The following IFIT2 variants were observed in gnomAD, a reference collection of about 807,000 sequenced individuals.
IFIT2 encodes the protein interferon induced protein with tetratricopeptide repeats 2, also known as interferon-induced protein with tetratricopeptide repeats 2.
Under a neutral mutation model 2.5 loss-of-function variants are expected in IFIT2, and 3 were observed. That is an observed-to-expected ratio of 1.21 (90% CI 0.55 to 3.14). IFIT2 has a LOEUF of 3.14. IFIT2 is among the 30% of genes most tolerant of loss of function. The pLI, the probability that IFIT2 is intolerant of heterozygous loss-of-function variation, is 0.03. For synonymous variants in IFIT2, 212 were observed against 200.7 expected, an observed-to-expected ratio of 1.06 and a Z score of -0.48; for missense variants, 493 against 558.9, an observed-to-expected ratio of 0.88 and a Z score of 1.19.
Position 89,307,551 on chromosome 10 carries a change from A to G in IFIT2, c.*176A>G. On this transcript the variant is annotated 3_prime_UTR_variant, in exon 2 of 2. Transcript: ENST00000371826. ...GAATTGCTGGGTCTTGAGAGAGCCC[A>G]AGGAGTTCTGGGAGAGGGACCAGAT... 1 of 561,946 alleles carries G rather than the reference A, an allele frequency of 1.8e-6. No homozygotes were observed. The highest frequency in any genetic ancestry group is 3.1e-6 in the Non-Finnish European group (1 of 323,526). 34.8% of individuals were successfully genotyped at this position (561,946 alleles called of 1,614,324 possible).
rs1356968598 is a variant in IFIT2 at position 89,306,718 on chromosome 10, C to T, written c.762C>T (p.Ala254=). Reference sequence around the variant, plus strand: ...TAACAGATGTTCTTCGCAGTGCAGCCAAGTTTTATCGAAGAAAAGATGAGC... The same window carrying T: ...TAACAGATGTTCTTCGCAGTGCAGCTAAGTTTTATCGAAGAAAAGATGAGC... ...PGVTDVLRSA[A]KFYRRKDEPD... Residue 254 remains alanine (A), a synonymous_variant, in exon 2 of 2, where the codon GCC becomes GCT. Coordinates refer to ENST00000371826, the MANE Select transcript of IFIT2 (RefSeq NM_001547.5). 1 of 1,614,004 alleles carries T rather than the reference C, an allele frequency of 6.2e-7. No homozygotes were observed. The highest frequency in any genetic ancestry group is 8.5e-7 in the Non-Finnish European group (1 of 1,179,962).
chr10:89,305,269 A>G (rs922923880), intron 1 of IFIT2, among the ~76,000 whole-genome samples: 3 of 152,132 alleles, frequency 2.0e-5, no homozygotes, highest in African/African-American at 4.8e-5. Context: ...AAATTCACAG[A>G]AAAAAATGAG....
chr10:89,305,980 C>A lies in IFIT2; in HGVS notation c.24C>A (p.Ser8=), dbSNP rs1413803916. MSENNKN[S]LESSLRQLKC... ...CCTACAGTGAGAACAATAAGAATTC[C>A]TTGGAGAGCAGCCTACGGCAACTAA... The change falls in exon 2 of 2, where the codon TCC becomes TCA. Residue 8 remains serine, a synonymous_variant. Coordinates refer to ENST00000371826, the MANE Select transcript of IFIT2 (RefSeq NM_001547.5). The A allele has an allele frequency of 1.9e-6, 3 of 1,612,124 alleles. No individual in the cohort carries two copies. The highest frequency in any genetic ancestry group is 1.7e-6 in the Non-Finnish European group (2 of 1,178,502).
intron 1 of IFIT2, among the ~76,000 whole-genome samples, chr10:89,304,522 G>C (rs1334528839): frequency 6.6e-6 from 1 of 152,024 alleles, no homozygotes; most frequent in East Asian, 1.9e-4. Context: ...TGACATTCCA[G>C]ATATCTATTG....
At chr10:89,305,215 A>G (rs979252179) in intron 1 of IFIT2, among the ~76,000 whole-genome samples, 2 of 152,122 alleles carry the variant, frequency 1.3e-5, no homozygotes, top group African/African-American at 4.8e-5. Flanking sequence ...AATGAGTAAA[A>G]ATTAAGAATG....
At chr10:89,302,251 G>T in intron 1 of IFIT2, 123 bp downstream of exon 1, 1 of 987,860 alleles carries the variant, frequency 1.0e-6, no homozygotes, top group Non-Finnish European at 1.6e-6. Flanking sequence ...GCCTTACTAT[G>T]CCTCTACCTC....
rs1235398539 is a variant in IFIT2 at position 89,308,620 on chromosome 10, G to A, written c.*1245G>A. ...CTGAATAGCCTAGACATCAAAGTTG[G>A]TGTGAACCAAAATAGAGTCAGCTGA... On this transcript the variant is annotated 3_prime_UTR_variant, in exon 2 of 2. Transcript: ENST00000371826. 6.6e-6 allele frequency: 1 copy of A among 152,202 alleles called. No individual in the cohort carries two copies. The highest frequency in any genetic ancestry group is 6.5e-5 in the Admixed American group (1 of 15,288). 9.4% of individuals were successfully genotyped at this position (152,202 alleles called of 1,614,324 possible).
rs745389813 is a variant in IFIT2 at position 89,306,960 on chromosome 10, G to A, written c.1004G>A (p.Arg335His). The A allele has an allele frequency of 2.2e-5, 35 of 1,613,984 alleles. No homozygotes were observed. Among genetic ancestry groups the A allele is most frequent in the South Asian group, 1.4e-4 (13 of 91,078 alleles). Residue 335 changes from arginine to histidine, a missense_variant, in exon 2 of 2, where the codon CGT (arginine) becomes CAT (histidine). By Grantham distance (29) the Arg-to-His change is conservative. Coordinates refer to ENST00000371826, the MANE Select transcript of IFIT2 (RefSeq NM_001547.5). ...GATGAGGCCAATGATAATCTCTTCC[G>A]TGTCTGTTCCATTCTTGCCAGCCTC... ...KADEANDNLFRVCSILASLHA... is the reference protein window; with the variant it reads ...KADEANDNLFHVCSILASLHA...
At position 89,308,889 on chromosome 10, in the gene IFIT2, T is replaced by G. The variant is rs2133524496; in HGVS notation, c.*1514T>G. 1 of 152,362 alleles carries G rather than the reference T, an allele frequency of 6.6e-6. No homozygotes were observed. Among genetic ancestry groups the G allele is most frequent in the East Asian group, 1.9e-4 (1 of 5,196 alleles). The allele number at this position is 152,362 out of a possible 1,614,324, so 9.4% of individuals were successfully genotyped here. A position where few individuals can be genotyped will look rare whatever the true frequency, so the allele number is the denominator to read the frequency against. On this transcript the variant is annotated 3_prime_UTR_variant, in exon 2 of 2. Coordinates refer to ENST00000371826, the MANE Select transcript of IFIT2 (RefSeq NM_001547.5). ...GTATTCCTGAAAATGTCATATATTT[T>G]CATTAATAAATAACCTAAATATGAT...
intron 1 of IFIT2, among the ~76,000 whole-genome samples, chr10:89,304,752 G>A (rs1182495530): frequency 6.6e-6 from 1 of 151,886 alleles, no homozygotes; most frequent in Non-Finnish European, 1.5e-5. Flanking sequence ...GGGTTTTTTA[G>A]GGGTTTTTTT....
At position 89,306,094 on chromosome 10, in the gene IFIT2, T is replaced by C; in HGVS notation, c.138T>C (p.Asn46=). 6.2e-7 allele frequency: 1 copy of C among 1,614,126 alleles called. No individual in the cohort carries two copies. The highest frequency in any genetic ancestry group is 8.5e-7 in the Non-Finnish European group (1 of 1,180,000). ...DKVFYRTEFQ[N]REFKATMCNL... is the part of the protein sequence containing the mutation. ...TATTTTACCGGACTGAGTTTCAGAA[T>C]CGTGAATTCAAAGCCACAATGTGCA... Residue 46 remains asparagine, a synonymous_variant, in exon 2 of 2, where the codon AAT becomes AAC. Coordinates refer to ENST00000371826, the MANE Select transcript of IFIT2 (RefSeq NM_001547.5).
Position 89,302,053 on chromosome 10 carries a change from G to A in IFIT2, c.-71G>A. 1 of 1,591,632 alleles carries A rather than the reference G, an allele frequency of 6.3e-7. No individual in the cohort carries two copies. Among genetic ancestry groups the A allele is most frequent in the Non-Finnish European group, 8.6e-7 (1 of 1,160,162 alleles). On this transcript the variant is annotated 5_prime_UTR_variant, in exon 1 of 2. Transcript: ENST00000371826. The stretch of plus-strand genomic sequence containing the variant: ...TCTTCAGCATTTATTGGTGGCAGAA[G>A]AGGAAGATTTCTGAAGAGTGCAGCT...
At position 89,308,371 on chromosome 10, in the gene IFIT2, C is replaced by A. The variant is rs1272845656; in HGVS notation, c.*996C>A. 6.6e-6 allele frequency: 1 copy of A among 151,382 alleles called. No homozygotes were observed. Among genetic ancestry groups the A allele is most frequent in the East Asian group, 1.9e-4 (1 of 5,180 alleles). 9.4% of individuals were successfully genotyped at this position (151,382 alleles called of 1,614,324 possible). On this transcript the variant is annotated 3_prime_UTR_variant, in exon 2 of 2. Coordinates refer to ENST00000371826, the MANE Select transcript of IFIT2 (RefSeq NM_001547.5). ...AACTCTGTTCAAATGCTTTCATGAA[C>A]CTGGTTTGAGACGGTAGGAAAGCAA... is the stretch of plus-strand genomic sequence containing the variant.
Position 89,302,168 on chromosome 10 carries a change from C to T in IFIT2, c.5+40C>T, listed in dbSNP as rs368986920. 22 of 1,609,448 alleles carry T rather than the reference C, an allele frequency of 1.4e-5. No homozygotes were observed. In the African/African-American group the frequency reaches 2.1e-4, roughly 16 times the overall value. ...TTCGTATTCGGTAGTGCTGTTGAGTCATCTTGTCCAATGCAAATCCTGAGA... is the reference window on the plus strand; with the variant it reads ...TTCGTATTCGGTAGTGCTGTTGAGTTATCTTGTCCAATGCAAATCCTGAGA... On this transcript the variant is annotated intron_variant, in intron 1 of 1. Transcript: ENST00000371826.
rs1843489845 is a variant in IFIT2, at chr10:89,307,463, G to C, written c.*88G>C. 9.4e-7 allele frequency: 1 copy of C among 1,065,392 alleles called. No individual in the cohort carries two copies. 66.0% of individuals were successfully genotyped at this position (1,065,392 alleles called of 1,614,324 possible). ...TTGGTATTCAAAATATGTAATGACT[G>C]GTATGGCAAAAGATTGGACTAAGAC... On this transcript the variant is annotated 3_prime_UTR_variant, in exon 2 of 2. Transcript: ENST00000371826.
In IFIT2 at chr10:89,306,504, AC is replaced by A. The variant is rs1195627058; in HGVS notation, c.550del (p.Arg184ValfsTer15). ...EFTSGLAIAS[Y>X]RLDNWPPSQN... is the part of the protein sequence containing the mutation. ...ACCTCTGGACTGGCAATAGCAAGCTACCGTCTGGACAACTGGCCACCATCTC... is the reference window on the plus strand; with the variant it reads ...ACCTCTGGACTGGCAATAGCAAGCTACGTCTGGACAACTGGCCACCATCTC... On this transcript the variant is annotated frameshift_variant, in exon 2 of 2. Coordinates refer to ENST00000371826, the MANE Select transcript of IFIT2 (RefSeq NM_001547.5). LOFTEE classifies it low-confidence loss of function (END_TRUNC). The A allele has an allele frequency of 1.2e-6, 2 of 1,613,994 alleles. No individual in the cohort carries two copies. Among genetic ancestry groups the A allele is most frequent in the African/African-American group, 2.7e-5 (2 of 74,924 alleles).
chr10:89,305,989 C>A lies in IFIT2; in HGVS notation c.33C>A (p.Ser11Arg). MSENNKNSLE[S>R]SLRQLKCHFT... is the part of the protein sequence containing the mutation. Reference sequence around the variant, plus strand: ...AGAACAATAAGAATTCCTTGGAGAGCAGCCTACGGCAACTAAAATGCCATT... The same window carrying A: ...AGAACAATAAGAATTCCTTGGAGAGAAGCCTACGGCAACTAAAATGCCATT... The change falls in exon 2 of 2, where the codon AGC becomes AGA. Residue 11 changes from serine (S) to arginine (R), a missense_variant. Transcript: ENST00000371826. 2 of 1,612,712 alleles carry A rather than the reference C, an allele frequency of 1.2e-6. No individual in the cohort carries two copies. The highest frequency in any genetic ancestry group is 1.7e-6 in the Non-Finnish European group (2 of 1,178,872).
Position 89,306,975 on chromosome 10 carries a change from T to C in IFIT2, c.1019T>C (p.Leu340Pro), listed in dbSNP as rs1327691171. The C allele has an allele frequency of 1.2e-6, 2 of 1,613,988 alleles. No individual in the cohort carries two copies. Among genetic ancestry groups the C allele is most frequent in the African/African-American group, 1.3e-5 (1 of 74,916 alleles). ...NDNLFRVCSI[L>P]ASLHALADQY... ...AATCTCTTCCGTGTCTGTTCCATTCTTGCCAGCCTCCATGCTCTAGCAGAT... is the reference window on the plus strand; with the variant it reads ...AATCTCTTCCGTGTCTGTTCCATTCCTGCCAGCCTCCATGCTCTAGCAGAT... The change falls in exon 2 of 2, where the codon CTT (leucine) becomes CCT (proline). Residue 340 changes from leucine to proline, a missense_variant. By Grantham distance (98) the Leu-to-Pro change is moderately conservative. Transcript: ENST00000371826.
Position 89,309,029 on chromosome 10 carries a change from C to T in IFIT2, c.*1654C>T, listed in dbSNP as rs1278728658. The T allele has an allele frequency of 2.0e-5, 3 of 152,150 alleles. No individual in the cohort carries two copies. The highest frequency in any genetic ancestry group is 4.8e-5 in the African/African-American group (2 of 41,430). 9.4% of individuals were successfully genotyped at this position (152,150 alleles called of 1,614,324 possible). On this transcript the variant is annotated 3_prime_UTR_variant, in exon 2 of 2. Transcript: ENST00000371826. The stretch of plus-strand genomic sequence containing the variant: ...GGTGTGAACCAAATCCAAATAACCT[C>T]GACTGGTCTACTATCATAATCACCT...
Sources: gnomAD v4.1 joint callset for allele counts (sites outside exome capture counted in the v4.1 genomes callset) on GRCh38, gnomAD v4.1.1 for gene constraint, MANE v1.5 for transcripts, NCBI Gene and HGNC (gene_info 2026-07-23, HGNC 2026-07-21) for gene names.